PCGF3: variants seen among roughly 807,000 people sequenced by gnomAD.
PCGF3 encodes polycomb group ring finger 3, also known as polycomb group RING finger protein 3.
Under a neutral mutation model 33.1 loss-of-function variants are expected in PCGF3, and 7 were observed. That is an observed-to-expected ratio of 0.21 (90% confidence interval 0.12 to 0.40). The LOEUF is 0.40. PCGF3 is among the 10% of genes least tolerant of loss of function. The probability of loss-of-function intolerance (pLI) is 1.00; values close to 1 mark genes in which losing one functional copy is unlikely to be tolerated. For missense variants in PCGF3, 211 were observed against 313.3 expected (o/e 0.67, Z 2.46); for synonymous variants, 153 against 121.3 (o/e 1.26, Z -1.72).
intron 5 of PCGF3, among the ~76,000 whole-genome samples, chr4:737,163 C>T (rs1230052888): frequency 6.6e-6 from 1 of 151,840 alleles, no homozygotes; most frequent in African/African-American, 2.4e-5. Context: ...GGGACGGTGT[C>T]CCCTGAGCGC....
intron 4 of PCGF3, chr4:734,010 A>C (rs1337700623): frequency 5.2e-6 from 8 of 1,550,800 alleles, no homozygotes; most frequent in Non-Finnish European, 6.1e-6. Context: ...CGCTTAGGAG[A>C]GCGAAACACA....
intron 1 of PCGF3, among the ~76,000 whole-genome samples, chr4:711,082 C>G (rs1029496204): frequency 6.6e-6 from 1 of 152,250 alleles, no homozygotes; most frequent in Admixed American, 6.5e-5. Context: ...GCCAGAGCCT[C>G]TGCTCCTAGC....
At chr4:756,634 A>T (rs183778462) in intron 8 of PCGF3, among the ~76,000 whole-genome samples, 5 of 152,166 alleles carry the variant, frequency 3.3e-5, no homozygotes, top group Admixed American at 2.6e-4. Flanking sequence ...TGTTACATGC[A>T]CATAAAATAT....
chr4:762,150 A>G (rs758438323), intron 9 of PCGF3: 30 of 909,682 alleles, frequency 3.3e-5, no homozygotes, highest in Admixed American at 6.2e-5. Context: ...TAACCCCCAG[A>G]GCCTGCAAAT....
intron 1 of PCGF3, among the ~76,000 whole-genome samples, chr4:719,859 A>G (rs1172030693): frequency 6.6e-6 from 1 of 152,156 alleles, no homozygotes; most frequent in Non-Finnish European, 1.5e-5. Flanking sequence ...ACCCTAGCCC[A>G]GCTCCTCCCT....
intron 9 of PCGF3, among the ~76,000 whole-genome samples, chr4:763,239 C>T (rs1435873895): frequency 3.3e-5 from 5 of 152,154 alleles, no homozygotes; most frequent in South Asian, 2.1e-4. Context: ...TGGATGGTAG[C>T]TGGGGACAGA....
chr4:743,708 G>T, intron 7 of PCGF3, 124 bp downstream of exon 7: 1 of 636,928 alleles, frequency 1.6e-6, no homozygotes, highest in Non-Finnish European at 2.8e-6. Flanking sequence ...GGGGGAACCT[G>T]AGGGTGTGGG....
At chr4:740,280 A>AC (rs1266001201) in intron 6 of PCGF3, among the ~76,000 whole-genome samples, 1 of 152,140 alleles carries the variant, frequency 6.6e-6, no homozygotes, top group Admixed American at 6.5e-5. Flanking sequence ...CTGTCCCCGC[A>AC]CCCCCACATG....
chr4:733,324 C>A (rs1340307217), intron 3 of PCGF3, among the ~76,000 whole-genome samples: 2 of 152,198 alleles, frequency 1.3e-5, no homozygotes, highest in African/African-American at 4.8e-5. Flanking sequence ...CTGCTCCTTC[C>A]GCTTTCACAG....
chr4:736,195 A>C (rs79832740), intron 5 of PCGF3, among the ~76,000 whole-genome samples: 6,053 of 151,968 alleles, frequency 0.04, 161 homozygotes, highest in East Asian at 0.092. Context: ...TTACAGGCGC[A>C]TGTCACCACG....
chr4:717,027 T>A (rs141610286), intron 1 of PCGF3, among the ~76,000 whole-genome samples: 3 of 101,628 alleles, frequency 3.0e-5, no homozygotes, highest in East Asian at 2.9e-4. Context: ...TGGGACCCTG[T>A]AGACACTGAG....
chr4:723,412 G>T (rs1743198253), intron 1 of PCGF3, among the ~76,000 whole-genome samples: 1 of 152,168 alleles, frequency 6.6e-6, no homozygotes, highest in South Asian at 2.1e-4. Context: ...CCCTTGGGAA[G>T]CAGAAGAAGG....
chr4:742,330 G>GT (rs1347547864), intron 6 of PCGF3, among the ~76,000 whole-genome samples: 3 of 152,226 alleles, frequency 2.0e-5, no homozygotes, highest in Non-Finnish European at 2.9e-5. Context: ...CACGGTTGGT[G>GT]TTTGTGAGGC....
At chr4:733,989 A>G in intron 4 of PCGF3, 200 bp downstream of exon 4, 1 of 1,551,276 alleles carries the variant, frequency 6.4e-7, no homozygotes. Flanking sequence ...GTGTCAGAGC[A>G]GATGAGGCCT....
intron 8 of PCGF3, among the ~76,000 whole-genome samples, chr4:751,576 C>G (rs575336144): frequency 1.3e-5 from 2 of 151,620 alleles, no homozygotes; most frequent in Non-Finnish European, 2.9e-5. Flanking sequence ...CTCAGTCACT[C>G]GGATGAACTG....
chr4:761,260 C>G lies in PCGF3; in HGVS notation c.463-19C>G, dbSNP rs755913550. The G allele has an allele frequency of 2.6e-6, 4 of 1,567,904 alleles. No homozygotes were observed. The highest frequency in any genetic ancestry group is 1.4e-5 in the African/African-American group (1 of 73,406). ...GGGGAACCCTCCTGCTGCGCTCTCA[C>G]CAGCGTCCTTTCCCGCAGGTGAGCA... On this transcript the variant is annotated intron_variant, in intron 8 of 10. Coordinates refer to ENST00000362003, the Ensembl canonical transcript of PCGF3.
exon 4 of PCGF3, chr4:733,759 G>A (rs1743718037): frequency 6.2e-7 from 1 of 1,613,408 alleles, no homozygotes; most frequent in Non-Finnish European, 8.5e-7. Context: ...CCTCATCGAC[G>A]CCACCACGGT....
chr4:733,893 G>C (rs749073610), intron 4 of PCGF3, 104 bp downstream of exon 4: 1 of 1,591,704 alleles, frequency 6.3e-7, no homozygotes, highest in East Asian at 2.3e-5. Flanking sequence ...GCTCAAGCCC[G>C]ACAAAAGCAG....
chr4:765,983 T>A, intron 10 of PCGF3, 49 bp from the exon 11 acceptor site: 1 of 1,583,588 alleles, frequency 6.3e-7, no homozygotes, highest in Middle Eastern at 1.7e-4. Context: ...TAGGTCCTTC[T>A]CGCCTCCACC....
Sources: allele counts gnomAD v4.1 joint callset (sites outside exome capture counted in the v4.1 genomes callset), GRCh38; gene constraint gnomAD v4.1.1; transcripts MANE v1.5; gene names NCBI Gene and HGNC (gene_info 2026-07-23, HGNC 2026-07-21).